MERTK: variants seen among roughly 807,000 people sequenced by gnomAD.
MERTK encodes the protein MER proto-oncogene, tyrosine kinase.
A neutral mutation model predicts 99.3 loss-of-function variants in MERTK; 69 were observed. The observed-to-expected ratio is 0.70, with a 90% CI of 0.57 to 0.85. The LOEUF is 0.85. Among genes scored for constraint, MERTK ranks in the 40% least tolerant of loss-of-function variants. MERTK has a pLI of 0.00. For missense variants in MERTK, 1,125 were observed against 1,249.4 expected (o/e 0.90, Z 1.50); for synonymous variants, 426 against 467.6 (o/e 0.91, Z 1.15).
intron 8 of MERTK, among the ~76,000 whole-genome samples, chr2:111,983,529 G>A (rs77290039): frequency 0.24 from 36,081 of 152,078 alleles, 4,583 homozygotes; most frequent in South Asian, 0.32. Flanking sequence ...CGGGCAAGCC[G>A]AAATTAGACA....
chr2:111,929,606 A>ATT, intron 2 of MERTK, 66 bp downstream of exon 2: 10 of 1,257,884 alleles, frequency 7.9e-6, no homozygotes, highest in Admixed American at 2.8e-5. Context: ...TTACTTATTG[A>ATT]GACAGAGTAT....
At chr2:111,980,022 G>C (rs1016048959) in intron 7 of MERTK, among the ~76,000 whole-genome samples, 1 of 152,156 alleles carries the variant, frequency 6.6e-6, no homozygotes, top group Non-Finnish European at 1.5e-5. Context: ...GAGCTTGTAG[G>C]CTTCACTATA....
rs149310088 is a variant in MERTK at position 112,009,976 on chromosome 2, C to T, written c.1989C>T (p.Gly663=). 7 of 1,613,510 alleles carry T rather than the reference C, an allele frequency of 4.3e-6. No homozygotes were observed. Among genetic ancestry groups the T allele is most frequent in the African/African-American group, 1.3e-5 (1 of 74,986 alleles). The part of the protein sequence containing the change: ...LGVCIEMSSQ[G]IPKPMVILPF... ...TGTGTATAGAAATGAGCTCTCAAGG[C>T]ATCCCAAAGCCCATGGTAATTTTAC... is the stretch of plus-strand genomic sequence containing the variant. Residue 663 remains glycine, a synonymous_variant, in exon 15 of 19, where the codon GGC becomes GGT. Coordinates refer to ENST00000295408, the MANE Select transcript of MERTK (RefSeq NM_006343.3).
At chr2:111,970,187 C>T (rs1379719076) in intron 6 of MERTK, among the ~76,000 whole-genome samples, 4 of 151,098 alleles carry the variant, frequency 2.6e-5, no homozygotes, top group Non-Finnish European at 5.9e-5. Context: ...GACGTAGTCT[C>T]GCTCTGTTAC....
At chr2:111,981,534 C>T (rs1558795847) in intron 7 of MERTK, among the ~76,000 whole-genome samples, 1 of 152,108 alleles carries the variant, frequency 6.6e-6, no homozygotes, top group Non-Finnish European at 1.5e-5. Context: ...ATTGACCAAG[C>T]ATTGCATTTA....
chr2:111,916,311 C>G (rs1684348713), intron 1 of MERTK, among the ~76,000 whole-genome samples: 1 of 152,058 alleles, frequency 6.6e-6, no homozygotes, highest in Admixed American at 6.6e-5. Context: ...TCCCTTTTAG[C>G]CTTGCTTTCT....
intron 10 of MERTK, among the ~76,000 whole-genome samples, chr2:112,000,049 G>A (rs192879618): frequency 6.6e-6 from 1 of 152,300 alleles, no homozygotes; most frequent in African/African-American, 2.4e-5. Flanking sequence ...CCAAGGGCAG[G>A]GAGGGTGTAT....
At chr2:111,902,893 C>G (rs527768133) in intron 1 of MERTK, among the ~76,000 whole-genome samples, 1 of 151,712 alleles carries the variant, frequency 6.6e-6, no homozygotes, top group East Asian at 1.9e-4. Context: ...ATTCTCCTGC[C>G]TCAGCCTTCC....
At chr2:111,994,946 A>T (rs1558800726) in intron 9 of MERTK, 1 of 219,758 alleles carries the variant, frequency 4.6e-6, no homozygotes, top group East Asian at 1.1e-4. Flanking sequence ...GTCTTTTCAG[A>T]TGCCAACTTT....
At chr2:111,955,631 T>G (rs960793617) in intron 4 of MERTK, among the ~76,000 whole-genome samples, 5 of 152,204 alleles carry the variant, frequency 3.3e-5, no homozygotes, top group African/African-American at 1.2e-4. Flanking sequence ...TGTACCAAAG[T>G]CACTTTCCTG....
intron 1 of MERTK, among the ~76,000 whole-genome samples, chr2:111,903,388 G>A (rs2104657885): frequency 6.6e-6 from 1 of 152,302 alleles, no homozygotes; most frequent in African/African-American, 2.4e-5. Context: ...CATTGCTGGA[G>A]GAGCTAGTCA....
At chr2:111,997,098 G>T in intron 9 of MERTK, 1 of 686,856 alleles carries the variant, frequency 1.5e-6, no homozygotes, top group African/African-American at 1.8e-5. Flanking sequence ...GTGACATTTT[G>T]ATCTATGTAT....
intron 5 of MERTK, 88 bp downstream of exon 5, chr2:111,965,365 T>G: frequency 9.6e-6 from 12 of 1,247,280 alleles, no homozygotes; most frequent in South Asian, 1.2e-5. Context: ...TGGGTGTGGA[T>G]CCTGGCTTTC....
intron 6 of MERTK, among the ~76,000 whole-genome samples, chr2:111,970,818 C>CCCTCCTCCTCCTCCTCCCTCCT (rs1189704510): frequency 5.0e-5 from 5 of 100,484 alleles, no homozygotes; most frequent in Admixed American, 1.1e-4. Flanking sequence ...TCCTCCTCCT[C>CCCTCCTCCTCCTCCTCCCTCCT]CCTCCTCCTC....
At chr2:111,949,114 T>C (rs1354474879) in intron 4 of MERTK, among the ~76,000 whole-genome samples, 1 of 152,056 alleles carries the variant, frequency 6.6e-6, no homozygotes, top group African/African-American at 2.4e-5. Flanking sequence ...ACCCAACTCA[T>C]CACTTCTTCA....
intron 1 of MERTK, among the ~76,000 whole-genome samples, chr2:111,919,588 A>G (rs1341448423): frequency 6.6e-6 from 1 of 151,814 alleles, no homozygotes; most frequent in Non-Finnish European, 1.5e-5. Flanking sequence ...TGGACATTGC[A>G]GTCTGTTTGG....
intron 7 of MERTK, among the ~76,000 whole-genome samples, chr2:111,982,416 T>G (rs1182082751): frequency 6.6e-6 from 1 of 152,050 alleles, no homozygotes; most frequent in Non-Finnish European, 1.5e-5. Context: ...CTTGCTTGCT[T>G]TTTCTGCCCA....
intron 10 of MERTK, 47 bp downstream of exon 10, chr2:111,997,523 T>C (rs745594693): frequency 1.9e-6 from 3 of 1,599,150 alleles, no homozygotes; most frequent in Non-Finnish European, 2.6e-6. Context: ...TTGACAAGGT[T>C]GTTATACCAA....
At position 111,898,729 on chromosome 2, in the gene MERTK, C is replaced by T. The variant is rs1463784860; in HGVS notation, c.-7C>T. 3.7e-6 allele frequency: 6 copies of T among 1,605,862 alleles called. No homozygotes were observed. The highest frequency in any genetic ancestry group is 2.7e-5 in the African/African-American group (2 of 74,848). ...CCGGAGAGAAATTACAGATCCGCAG[C>T]CCCGGGATGGGGCCGGCCCCGCTGC... On this transcript the variant is annotated 5_prime_UTR_variant, in exon 1 of 19. Transcript: ENST00000295408.
Sources: allele counts gnomAD v4.1 joint callset (sites outside exome capture counted in the v4.1 genomes callset), GRCh38; gene constraint gnomAD v4.1.1; transcripts MANE v1.5; gene names NCBI Gene and HGNC (gene_info 2026-07-23, HGNC 2026-07-21).